TFEC: variants seen among roughly 807,000 people sequenced by gnomAD.
TFEC encodes the protein class E basic helix-loop-helix protein 34.
TFEC carries 31 observed loss-of-function variants against 41.6 expected under a neutral mutation model. The ratio of observed to expected loss-of-function variants is 0.74; its 90% CI spans 0.56 to 1.01. The LOEUF is 1.01. TFEC is among the 50% of genes least tolerant of loss of function. The pLI is 0.00. For synonymous variants in TFEC, 143 were observed against 140.6 expected (o/e 1.02, Z -0.12); for missense variants, 402 against 404.1 (o/e 0.99, Z 0.04).
chr7:116,067,018 C>A (rs1322532484), intron 3 of TFEC, among the ~76,000 whole-genome samples: 1 of 151,922 alleles, frequency 6.6e-6, no homozygotes, highest in African/African-American at 2.4e-5. Flanking sequence ...TATAAAGTAT[C>A]AAATCAGTTT....
chr7:115,998,016 AAG>A (rs1005405318), intron 1 of TFEC, among the ~76,000 whole-genome samples: 70 of 152,220 alleles, frequency 4.6e-4, no homozygotes, highest in Admixed American at 3.9e-3. Flanking sequence ...GAGGTAGAGG[AAG>A]AGAGAGGGAT....
At chr7:115,949,538 T>G (rs957765985) in intron 6 of TFEC, among the ~76,000 whole-genome samples, 3 of 152,052 alleles carry the variant, frequency 2.0e-5, no homozygotes, top group African/African-American at 7.2e-5. Flanking sequence ...CCCTCAGAAA[T>G]AATACCGCAT....
chr7:116,034,158 C>A (rs536172517), upstream of TFEC, among the ~76,000 whole-genome samples: 1 of 152,194 alleles, frequency 6.6e-6, no homozygotes, highest in East Asian at 1.9e-4. Flanking sequence ...TCTTCTCAGT[C>A]TCCTTTGCTG....
chr7:116,097,956 A>G (rs1279680232), intron 3 of TFEC, among the ~76,000 whole-genome samples: 1 of 152,210 alleles, frequency 6.6e-6, no homozygotes, highest in Non-Finnish European at 1.5e-5. Flanking sequence ...GTGAGTGAAC[A>G]AACAATAAAT....
At chr7:116,088,607 A>G (rs559941903) in intron 3 of TFEC, among the ~76,000 whole-genome samples, 1 of 152,174 alleles carries the variant, frequency 6.6e-6, no homozygotes, top group African/African-American at 2.4e-5. Flanking sequence ...AATCTTAGTC[A>G]TTATTTTTTA....
chr7:115,990,878 G>A (rs1328656435), intron 1 of TFEC, among the ~76,000 whole-genome samples: 1 of 152,104 alleles, frequency 6.6e-6, no homozygotes, highest in Non-Finnish European at 1.5e-5. Flanking sequence ...GAAATGCAGA[G>A]AACGCCACAA....
intron 3 of TFEC, among the ~76,000 whole-genome samples, chr7:116,054,057 G>T (rs995799475): frequency 2.0e-5 from 3 of 152,276 alleles, no homozygotes; most frequent in Admixed American, 1.3e-4. Context: ...GAAGGTGAAG[G>T]CAGGGAAATG....
chr7:115,940,682 C>G lies in TFEC; in HGVS notation c.913G>C (p.Asp305His). The change falls in exon 8 of 8, where the codon GAT becomes CAT. Residue 305 changes from aspartate (D) to histidine (H), a missense_variant. Coordinates refer to ENST00000265440, the MANE Select transcript of TFEC (RefSeq NM_012252.4). ...ATTGTGTCATCCAATAGCATGCCAT[C>G]CAATCTTTGTTCCTCTTTCAATGCA... ...SAALKEEQRL[D>H]GMLLDDTISP... 1.9e-6 allele frequency: 3 copies of G among 1,613,594 alleles called. No individual in the cohort carries two copies. The highest frequency in any genetic ancestry group is 2.5e-6 in the Non-Finnish European group (3 of 1,179,650).
At chr7:115,947,525 C>T (rs1791661292) in intron 6 of TFEC, among the ~76,000 whole-genome samples, 1 of 151,698 alleles carries the variant, frequency 6.6e-6, no homozygotes, top group Admixed American at 6.6e-5. Context: ...AACTAGTTTA[C>T]AGTCCCACCA....
intron 3 of TFEC, among the ~76,000 whole-genome samples, chr7:115,961,446 G>T (rs139259539): frequency 6.6e-5 from 10 of 151,228 alleles, no homozygotes; most frequent in Non-Finnish European, 1.5e-4. Flanking sequence ...AATAATAAAT[G>T]ATAAAAATAG....
intron 1 of TFEC, among the ~76,000 whole-genome samples, chr7:116,124,056 T>C (rs1249035079): frequency 1.3e-5 from 2 of 152,098 alleles, no homozygotes; most frequent in South Asian, 2.1e-4. Context: ...TGGGGAAAGA[T>C]TGCTGGAACT....
At chr7:116,101,008 T>C (rs1797590901) in intron 3 of TFEC, among the ~76,000 whole-genome samples, 1 of 152,148 alleles carries the variant, frequency 6.6e-6, no homozygotes, top group Non-Finnish European at 1.5e-5. Flanking sequence ...ATTAGTTATT[T>C]AGAAGTTCTA....
At chr7:116,096,382 T>C (rs1221825878) in intron 3 of TFEC, among the ~76,000 whole-genome samples, 1 of 152,204 alleles carries the variant, frequency 6.6e-6, no homozygotes, top group Non-Finnish European at 1.5e-5. Flanking sequence ...GTCGTTTTCA[T>C]TTGGTGACGA....
intron 7 of TFEC, 131 bp from the exon 8 acceptor site, chr7:115,941,062 T>A (rs1793470052): frequency 1.2e-6 from 1 of 849,796 alleles, no homozygotes; most frequent in African/African-American, 1.7e-5. Flanking sequence ...AAATTATGAA[T>A]AATCTTTGCA....
chr7:115,981,376 A>T (rs968442309), intron 2 of TFEC, among the ~76,000 whole-genome samples: 1 of 152,132 alleles, frequency 6.6e-6, no homozygotes, highest in Admixed American at 6.6e-5. Flanking sequence ...CCTTGATTTC[A>T]CTTTTCTAAT....
intron 3 of TFEC, among the ~76,000 whole-genome samples, chr7:116,063,037 A>G (rs1318960903): frequency 6.6e-6 from 1 of 152,232 alleles, no homozygotes; most frequent in Non-Finnish European, 1.5e-5. Flanking sequence ...AATGTTGGAA[A>G]CAATGCAAAT....
chr7:116,115,016 G>C (rs1797948256), intron 1 of TFEC, among the ~76,000 whole-genome samples: 1 of 151,946 alleles, frequency 6.6e-6, no homozygotes, highest in South Asian at 2.1e-4. Flanking sequence ...GCCAAGAAAA[G>C]TAAGGTAGAT....
intron 1 of TFEC, among the ~76,000 whole-genome samples, chr7:116,021,952 G>C (rs1795411906): frequency 6.6e-6 from 1 of 152,072 alleles, no homozygotes; most frequent in Non-Finnish European, 1.5e-5. Context: ...TGACAATAAG[G>C]GCTCCCCCCA....
intron 1 of TFEC, among the ~76,000 whole-genome samples, chr7:116,149,725 C>T (rs2116454302): frequency 6.6e-6 from 1 of 152,194 alleles, no homozygotes; most frequent in Admixed American, 6.5e-5. Flanking sequence ...AATAATAACT[C>T]ATGAAAAAGT....
Sources: allele counts gnomAD v4.1 joint callset (sites outside exome capture counted in the v4.1 genomes callset), GRCh38; gene constraint gnomAD v4.1.1; transcripts MANE v1.5; gene names NCBI Gene and HGNC (gene_info 2026-07-23, HGNC 2026-07-21).